The following NPAS3 variants were observed in gnomAD, a reference collection of about 807,000 sequenced individuals.
The protein encoded by NPAS3 is neuronal PAS domain-containing protein 3.
NPAS3 carries 14 observed loss-of-function variants against 73.1 expected under a neutral mutation model. The ratio of observed to expected loss-of-function variants is 0.19; its 90% CI spans 0.13 to 0.30. NPAS3 has a LOEUF of 0.30. Ranked by LOEUF, NPAS3 falls within the 10% of genes least tolerant of loss-of-function variation. The pLI is 1.00. For missense variants in NPAS3, 1,096 were observed against 1,250.0 expected (o/e 0.88, Z 1.86); for synonymous variants, 620 against 541.5 (o/e 1.14, Z -2.01).
At position 33,309,998 on chromosome 14, in the gene NPAS3, A is replaced by G. The variant is rs564375936; in HGVS notation, c.386-57188A>G. On this transcript the variant is annotated intron_variant, in intron 3 of 11. Transcript: ENST00000356141. ...GAGTCATTGTCTTCATACCGTTGGT[A>G]TGATCCAGTTTGTTTTCACCTTTAC... Among the ~76,000 whole-genome samples, 102 of 152,168 alleles carry G rather than the reference A, an allele frequency of 6.7e-4. 1 individual carries two copies. The highest frequency in any genetic ancestry group is 9.8e-4 in the Non-Finnish European group (67 of 68,036).
intron 3 of NPAS3, among the ~76,000 whole-genome samples, chr14:33,258,063 C>T (rs1031311762): frequency 2.6e-5 from 4 of 152,096 alleles, no homozygotes; most frequent in Non-Finnish European, 5.9e-5. Flanking sequence ...GAACAATAAA[C>T]TTAATATTTT....
At chr14:33,778,370 T>TA in intron 8 of NPAS3, 96 bp from the exon 9 acceptor site, 1 of 853,942 alleles carries the variant, frequency 1.2e-6, no homozygotes, top group Non-Finnish European at 1.9e-6. Flanking sequence ...TACAGTAGTA[T>TA]AATGAAATGT....
intron 2 of NPAS3, among the ~76,000 whole-genome samples, chr14:33,096,150 A>C (rs74940675): frequency 6.6e-6 from 1 of 151,674 alleles, no homozygotes; most frequent in African/African-American, 2.4e-5. Flanking sequence ...ATACATTTCT[A>C]TGCCAATATG....
chr14:33,071,013 A>C (rs1334365068), intron 2 of NPAS3, among the ~76,000 whole-genome samples: 1 of 152,182 alleles, frequency 6.6e-6, no homozygotes, highest in East Asian at 1.9e-4. Context: ...GTATGTACTG[A>C]AAATAAGTAA....
intron 6 of NPAS3, among the ~76,000 whole-genome samples, chr14:33,718,783 C>T (rs562745751): frequency 5.3e-5 from 8 of 152,158 alleles, no homozygotes; most frequent in Admixed American, 2.0e-4. Context: ...TTACGCCCTT[C>T]GTAGGGAAAA....
At chr14:33,260,119 A>C (rs1192405425) in intron 3 of NPAS3, among the ~76,000 whole-genome samples, 1 of 152,134 alleles carries the variant, frequency 6.6e-6, no homozygotes, top group Non-Finnish European at 1.5e-5. Context: ...CCAATGGCTA[A>C]TGTCTGACTT....
chr14:33,483,789 A>G (rs963790909), intron 4 of NPAS3, among the ~76,000 whole-genome samples: 17 of 152,154 alleles, frequency 1.1e-4, no homozygotes, highest in African/African-American at 4.1e-4. Flanking sequence ...CCTCCGTTGA[A>G]ATATGCTCCT....
Position 33,432,931 on chromosome 14 carries a change from C to T in NPAS3, c.468+65663C>T, listed in dbSNP as rs575947370. On this transcript the variant is annotated intron_variant, in intron 4 of 11. Coordinates refer to ENST00000356141, the Ensembl canonical transcript of NPAS3. ...TGATATGCAATTATCACACACATTT[C>T]TAAAGCAATTACTTTATTACATAGG... Among the ~76,000 whole-genome samples, 7 of 152,296 alleles carry T rather than the reference C, an allele frequency of 4.6e-5. No individual in the cohort carries two copies. The South Asian group carries it at 1.5e-3, about 32-fold the overall frequency.
chr14:33,442,425 A>G (rs978593178), intron 4 of NPAS3, among the ~76,000 whole-genome samples: 3 of 146,622 alleles, frequency 2.0e-5, no homozygotes, highest in Non-Finnish European at 3.0e-5. Flanking sequence ...AAAAAAAAAA[A>G]AATTAAAAAA....
At chr14:32,967,102 A>G (rs1162314820) in intron 1 of NPAS3, among the ~76,000 whole-genome samples, 7 of 152,144 alleles carry the variant, frequency 4.6e-5, no homozygotes, top group Non-Finnish European at 8.8e-5. Flanking sequence ...GCCCACTTAC[A>G]TGAGGATTTA....
At chr14:32,991,420 GC>G (rs1193842154) in intron 1 of NPAS3, among the ~76,000 whole-genome samples, 1 of 152,080 alleles carries the variant, frequency 6.6e-6, no homozygotes, top group East Asian at 1.9e-4. Flanking sequence ...CTGTCCATTG[GC>G]CATAGTTTGC....
chr14:33,260,925 CAG>C (rs1222813088), intron 3 of NPAS3, among the ~76,000 whole-genome samples: 7 of 152,246 alleles, frequency 4.6e-5, no homozygotes, highest in Non-Finnish European at 8.8e-5. Flanking sequence ...TATAGCCTTT[CAG>C]AGTTTTCAAA....
chr14:33,366,901 CAT>C (rs1209526868), intron 3 of NPAS3, among the ~76,000 whole-genome samples: 1 of 152,064 alleles, frequency 6.6e-6, no homozygotes, highest in Non-Finnish European at 1.5e-5. Flanking sequence ...CCTGAACATT[CAT>C]ATGTTTTTAT....
chr14:33,473,323 G>A (rs148583707), intron 4 of NPAS3, among the ~76,000 whole-genome samples: 37 of 152,270 alleles, frequency 2.4e-4, no homozygotes, highest in Admixed American at 2.0e-3. Flanking sequence ...AGTACTGCCC[G>A]TGTTTTAAGC....
chr14:33,532,194 A>T (rs1347502975), intron 4 of NPAS3, among the ~76,000 whole-genome samples: 1 of 152,128 alleles, frequency 6.6e-6, no homozygotes, highest in Non-Finnish European at 1.5e-5. Context: ...TAAAAAGGAA[A>T]ATCACATTAC....
At position 33,069,139 on chromosome 14, in the gene NPAS3, G is replaced by A. The variant is rs116339092; in HGVS notation, c.140+13145G>A. On this transcript the variant is annotated intron_variant, in intron 2 of 11. Coordinates refer to ENST00000356141, the Ensembl canonical transcript of NPAS3. ...TATCAGCATAATCAAGGTGTGATTT[G>A]TACCAAGACGAAGTGGATAAAGAAG... Among the ~76,000 whole-genome samples, 609 of 152,300 alleles carry A rather than the reference G, an allele frequency of 4.0e-3. 2 individuals are homozygous for A. Among genetic ancestry groups the A allele is most frequent in the African/African-American group, 0.014 (576 of 41,564 alleles).
At chr14:33,695,108 G>A (rs977676653) in intron 6 of NPAS3, among the ~76,000 whole-genome samples, 6 of 152,134 alleles carry the variant, frequency 3.9e-5, no homozygotes, top group Non-Finnish European at 5.9e-5. Context: ...GTTCTACTGC[G>A]ATGACCTCAC....
chr14:33,516,749 C>T (rs1329530725), intron 4 of NPAS3, among the ~76,000 whole-genome samples: 3 of 151,978 alleles, frequency 2.0e-5, no homozygotes, highest in South Asian at 2.1e-4. Context: ...GTAAAAATTG[C>T]GATGGTGGTC....
Position 33,221,900 on chromosome 14 carries a change from C to T in NPAS3, c.385+6474C>T, listed in dbSNP as rs2047445029. 2.0e-5 allele frequency among the ~76,000 whole-genome samples: 3 copies of T among 151,964 alleles called. No individual in the cohort carries two copies. The South Asian group carries it at 6.2e-4, about 32-fold the overall frequency. On this transcript the variant is annotated intron_variant, in intron 3 of 11. Coordinates refer to ENST00000356141, the Ensembl canonical transcript of NPAS3. ...TCACAAGGGTCATGGCTGAAACTTC[C>T]ATAACAAAAGACAGGTTATCAAGAA...
Sources: gnomAD v4.1 joint callset for allele counts (sites outside exome capture counted in the v4.1 genomes callset) on GRCh38, gnomAD v4.1.1 for gene constraint, MANE v1.5 for transcripts, NCBI Gene and HGNC (gene_info 2026-07-23, HGNC 2026-07-21) for gene names.